Variants in PHLDB2 observed in about 807,000 individuals in gnomAD.
PHLDB2 encodes pleckstrin homology-like domain family B member 2.
Under a neutral mutation model 123.6 loss-of-function variants are expected in PHLDB2, and 71 were observed. That is an observed-to-expected ratio of 0.57 (90% CI 0.47 to 0.70). The LOEUF (loss-of-function observed/expected upper bound fraction) is 0.70, where lower values mean the gene tolerates loss of function less well. PHLDB2 is among the 30% of genes least tolerant of loss of function. The pLI is 0.00. For synonymous variants in PHLDB2, 547 were observed against 541.6 expected (o/e 1.01, Z -0.14); for missense variants, 1,446 against 1,519.5 (o/e 0.95, Z 0.80).
At chr3:111,760,056 A>G (rs1481932710) in intron 1 of PHLDB2, among the ~76,000 whole-genome samples, 2 of 152,214 alleles carry the variant, frequency 1.3e-5, no homozygotes, top group African/African-American at 4.8e-5. Flanking sequence ...AAAGCATTTC[A>G]GGGGAGACAT....
Position 111,880,640 on chromosome 3 carries a change from T to C in PHLDB2, c.-14-3424T>C, listed in dbSNP as rs555845179. On this transcript the variant is annotated intron_variant, in intron 1 of 17. Coordinates refer to ENST00000431670, the MANE Select transcript of PHLDB2 (RefSeq NM_001134438.2). The stretch of plus-strand genomic sequence containing the variant: ...TAAGTCTGTCCTTTGCTGCCTTAAA[T>C]CCTTGCTTCTCTTCCTTACTAGTGA... Among the ~76,000 whole-genome samples, 3 of 151,826 alleles carry C rather than the reference T, an allele frequency of 2.0e-5. No individual in the cohort carries two copies. The East Asian group carries it at 5.8e-4, about 29-fold the overall frequency.
intron 15 of PHLDB2, among the ~76,000 whole-genome samples, chr3:111,969,088 C>T (rs1011159069): frequency 8.5e-5 from 13 of 152,188 alleles, no homozygotes; most frequent in Non-Finnish European, 2.9e-5. Context: ...TGGTCCTGGA[C>T]AGTTCATTAC....
intron 17 of PHLDB2, among the ~76,000 whole-genome samples, chr3:111,974,121 G>A (rs983663160): frequency 3.9e-5 from 6 of 152,162 alleles, no homozygotes; most frequent in African/African-American, 1.2e-4. Context: ...GCAAGTCCTA[G>A]TAGGGCTAAG....
At chr3:111,795,983 G>A (rs1355433847) in intron 1 of PHLDB2, among the ~76,000 whole-genome samples, 1 of 152,104 alleles carries the variant, frequency 6.6e-6, no homozygotes, top group African/African-American at 2.4e-5. Context: ...TGCAACCTCC[G>A]CCCTCTGAGT....
intron 1 of PHLDB2, among the ~76,000 whole-genome samples, chr3:111,830,507 CAA>C (rs397990816): frequency 0.87 from 100,668 of 115,906 alleles, 44,207 homozygotes; most frequent in Non-Finnish European, 0.95. Context: ...AGGAACATGG[CAA>C]AAAAAAAAAA....
In PHLDB2 at chr3:111,829,911, TGA is replaced by T. The variant is rs2062856631; in HGVS notation, c.-48-15909_-48-15908del. 2.1e-5 allele frequency among the ~76,000 whole-genome samples: 3 copies of T among 142,984 alleles called. No individual in the cohort carries two copies. The Admixed American group carries it at 2.2e-4, about 10-fold the overall frequency. 93.8% of individuals were successfully genotyped at this position (142,984 alleles called of 152,430 possible). On this transcript the variant is annotated intron_variant, in intron 1 of 17. Transcript: ENST00000393923. ...ACCTTACATTTTCTTATCACCAAACTGACAGAACTATTCAAAACACACACACA... is the reference window on the plus strand; with the variant it reads ...ACCTTACATTTTCTTATCACCAAACTCAGAACTATTCAAAACACACACACA...
intron 1 of PHLDB2, among the ~76,000 whole-genome samples, chr3:111,797,124 A>G (rs1457323571): frequency 1.3e-5 from 2 of 152,208 alleles, no homozygotes; most frequent in African/African-American, 2.4e-5. Context: ...TTGATTACAT[A>G]ATCTAAATGA....
At chr3:111,930,217 T>G (rs766453944) in intron 5 of PHLDB2, among the ~76,000 whole-genome samples, 3 of 152,082 alleles carry the variant, frequency 2.0e-5, no homozygotes, top group Non-Finnish European at 4.4e-5. Context: ...TATTAGTTGT[T>G]GATTTGAGTT....
chr3:111,855,513 TTTCTTTC>T (rs1392670828), upstream of PHLDB2, among the ~76,000 whole-genome samples: 4 of 149,104 alleles, frequency 2.7e-5, no homozygotes, highest in Non-Finnish European at 4.5e-5. Flanking sequence ...TTTTCTTTCC[TTTCTTTC>T]TTCTTTCTTT....
At chr3:111,831,551 A>G (rs2063038885) in intron 1 of PHLDB2, among the ~76,000 whole-genome samples, 1 of 152,182 alleles carries the variant, frequency 6.6e-6, no homozygotes, top group African/African-American at 2.4e-5. Context: ...ATACCACTAT[A>G]ATACCCCATG....
At chr3:111,895,176 A>G (rs1437733747) in intron 2 of PHLDB2, among the ~76,000 whole-genome samples, 1 of 152,190 alleles carries the variant, frequency 6.6e-6, no homozygotes, top group Non-Finnish European at 1.5e-5. Context: ...ACATTGGGGA[A>G]ACAGAGCTAA....
chr3:111,836,579 A>G (rs977014562), intron 1 of PHLDB2, among the ~76,000 whole-genome samples: 1 of 152,204 alleles, frequency 6.6e-6, no homozygotes, highest in African/African-American at 2.4e-5. Flanking sequence ...AAGATTACCA[A>G]AGAATCTCGT....
chr3:111,808,639 A>C (rs746461001), intron 1 of PHLDB2, among the ~76,000 whole-genome samples: 25 of 152,104 alleles, frequency 1.6e-4, no homozygotes, highest in Non-Finnish European at 3.2e-4. Context: ...ATTCTTAAGC[A>C]ATACATGTAT....
chr3:111,787,901 G>A (rs1032826089), intron 1 of PHLDB2, among the ~76,000 whole-genome samples: 7 of 152,128 alleles, frequency 4.6e-5, no homozygotes, highest in African/African-American at 1.7e-4. Flanking sequence ...CTTAGACTTT[G>A]TAGTCCGCCA....
intron 6 of PHLDB2, among the ~76,000 whole-genome samples, chr3:111,934,129 C>T (rs2069311203): frequency 6.6e-6 from 1 of 152,170 alleles, no homozygotes; most frequent in South Asian, 2.1e-4. Flanking sequence ...CTTCCCTTTC[C>T]TCTCCAGAGT....
intron 2 of PHLDB2, among the ~76,000 whole-genome samples, chr3:111,850,662 G>A (rs1217775557): frequency 6.6e-6 from 1 of 152,048 alleles, no homozygotes; most frequent in Admixed American, 6.5e-5. Context: ...TACTTGGAAG[G>A]CTGAGGCACG....
chr3:111,834,212 ATAG>A, intron 1 of PHLDB2, among the ~76,000 whole-genome samples: 1 of 41,388 alleles, frequency 2.4e-5, no homozygotes, highest in Admixed American at 3.2e-4. Flanking sequence ...TATATATGTA[ATAG>A]AATTATATAT....
chr3:111,956,109 C>A (rs561811254), intron 12 of PHLDB2, among the ~76,000 whole-genome samples: 2 of 152,148 alleles, frequency 1.3e-5, no homozygotes, highest in African/African-American at 4.8e-5. Context: ...GTAGGAGGAT[C>A]GCTTGAGCCT....
chr3:111,752,493 C>G (rs2059798514), intron 1 of PHLDB2, among the ~76,000 whole-genome samples: 1 of 151,830 alleles, frequency 6.6e-6, no homozygotes, highest in Admixed American at 6.6e-5. Context: ...CTAAAAACAT[C>G]AAGTTTTCAT....
Sources: allele counts gnomAD v4.1 joint callset (sites outside exome capture counted in the v4.1 genomes callset), GRCh38; gene constraint gnomAD v4.1.1; transcripts MANE v1.5; gene names NCBI Gene and HGNC (gene_info 2026-07-23, HGNC 2026-07-21).